The following SLC25A13 variants were observed in gnomAD, a reference collection of about 807,000 sequenced individuals.
SLC25A13 encodes the protein solute carrier family 25 member 13.
In SLC25A13, 70 loss-of-function variants were observed where a neutral mutation model predicts 85.5. That is an observed-to-expected ratio of 0.82 (90% CI 0.68 to 1.00). The LOEUF (loss-of-function observed/expected upper bound fraction) is 1.00. Ranked by LOEUF, SLC25A13 falls within the 50% of genes least tolerant of loss-of-function variation. SLC25A13 has a pLI of 0.00. For missense variants in SLC25A13, 765 were observed against 819.8 expected, an observed-to-expected ratio of 0.93 and a Z score of 0.82; for synonymous variants, 259 against 288.7, an observed-to-expected ratio of 0.90 and a Z score of 1.04.
At chr7:96,217,769 G>A (rs922496535) in intron 4 of SLC25A13, among the ~76,000 whole-genome samples, 4 of 152,070 alleles carry the variant, frequency 2.6e-5, no homozygotes, top group Non-Finnish European at 4.4e-5. Flanking sequence ...TGTGGTACGA[G>A]GTTTCTTGTT....
intron 3 of SLC25A13, among the ~76,000 whole-genome samples, chr7:96,237,902 A>G (rs934045055): frequency 2.6e-5 from 4 of 152,190 alleles, no homozygotes; most frequent in African/African-American, 9.7e-5. Flanking sequence ...GGAGAATGTA[A>G]CCAACTGTGA....
intron 16 of SLC25A13, 42 bp from the exon 17 acceptor site, chr7:96,121,787 TA>T: frequency 6.2e-7 from 1 of 1,613,920 alleles, no homozygotes; most frequent in Admixed American, 1.7e-5. Context: ...TTAGATATTT[TA>T]AAAATTTACC....
intron 11 of SLC25A13, among the ~76,000 whole-genome samples, chr7:96,175,141 C>T (rs1794170201): frequency 6.6e-6 from 1 of 152,122 alleles, no homozygotes; most frequent in African/African-American, 2.4e-5. Flanking sequence ...CTTCTGCCTG[C>T]AGGAGGGGAA....
chr7:96,278,148 T>TA (rs1562898106), intron 2 of SLC25A13, among the ~76,000 whole-genome samples: 2 of 152,172 alleles, frequency 1.3e-5, no homozygotes, highest in Non-Finnish European at 2.9e-5. Flanking sequence ...CATGGAGCCC[T>TA]AAGGGCAGAA....
intron 3 of SLC25A13, among the ~76,000 whole-genome samples, chr7:96,239,415 G>A (rs1030398761): frequency 2.0e-5 from 3 of 151,194 alleles, no homozygotes; most frequent in African/African-American, 4.9e-5. Context: ...CAGTGCTTCC[G>A]TCTTGCTTTA....
intron 2 of SLC25A13, among the ~76,000 whole-genome samples, chr7:96,286,360 C>T (rs542866856): frequency 2.7e-3 from 415 of 152,106 alleles, no homozygotes; most frequent in Non-Finnish European, 3.5e-3. Flanking sequence ...CTGACTACCA[C>T]CACCCAGGAT....
intron 2 of SLC25A13, among the ~76,000 whole-genome samples, chr7:96,295,619 C>G (rs1026367036): frequency 6.6e-6 from 1 of 152,172 alleles, no homozygotes; most frequent in African/African-American, 2.4e-5. Context: ...TTAATACCAA[C>G]TCCTTAATAT....
At chr7:96,134,025 GTT>G (rs947826296) in intron 14 of SLC25A13, among the ~76,000 whole-genome samples, 1 of 142,420 alleles carries the variant, frequency 7.0e-6, no homozygotes. Context: ...TTCATTTGTT[GTT>G]TTTTTTTTTT....
At chr7:96,285,772 A>G (rs1203909002) in intron 2 of SLC25A13, among the ~76,000 whole-genome samples, 3 of 152,056 alleles carry the variant, frequency 2.0e-5, no homozygotes, top group African/African-American at 7.2e-5. Flanking sequence ...CATCTTTTGC[A>G]CCTCCCACTC....
At chr7:96,123,212 T>C (rs1791587521) in intron 15 of SLC25A13, among the ~76,000 whole-genome samples, 1 of 152,184 alleles carries the variant, frequency 6.6e-6, no homozygotes, top group Middle Eastern at 3.2e-3. Flanking sequence ...GGATAAGTCA[T>C]ACTGAAATTC....
At chr7:96,280,628 T>C (rs1262676021) in intron 2 of SLC25A13, among the ~76,000 whole-genome samples, 1 of 152,110 alleles carries the variant, frequency 6.6e-6, no homozygotes, top group Non-Finnish European at 1.5e-5. Context: ...GGCAGGAGAA[T>C]CGCTTGAGCA....
chr7:96,226,014 T>C (rs1326847410), intron 4 of SLC25A13, among the ~76,000 whole-genome samples: 1 of 152,172 alleles, frequency 6.6e-6, no homozygotes, highest in East Asian at 1.9e-4. Flanking sequence ...ATAAAATCTT[T>C]TTTTTTTGGT....
intron 3 of SLC25A13, among the ~76,000 whole-genome samples, chr7:96,253,874 G>A (rs962987223): frequency 6.6e-6 from 1 of 152,102 alleles, no homozygotes; most frequent in African/African-American, 2.4e-5. Flanking sequence ...AACAGATATT[G>A]GAATAAACTG....
chr7:96,136,856 T>C (rs1308509385), intron 14 of SLC25A13, among the ~76,000 whole-genome samples: 1 of 152,100 alleles, frequency 6.6e-6, no homozygotes, highest in Non-Finnish European at 1.5e-5. Context: ...ACGGGGAAAA[T>C]GCCAGACTGG....
rs1462361448 is a variant in SLC25A13, at chr7:96,171,503, C to G, written c.1199G>C (p.Gly400Ala). 1 of 1,613,494 alleles carries G rather than the reference C, an allele frequency of 6.2e-7. No individual in the cohort carries two copies. The highest frequency in any genetic ancestry group is 8.5e-7 in the Non-Finnish European group (1 of 1,179,536). The change falls in exon 12 of 18, where the codon GGA becomes GCA. Residue 400 changes from glycine (G) to alanine (A), a missense_variant. Gly to Ala is a moderately conservative substitution (Grantham distance 60). Transcript: ENST00000265631. The stretch of plus-strand genomic sequence containing the variant: ...TTTTATGGCCTTCTCTGGGGCAACT[C>G]CCAATAACTGTGGCAACAGACCTAA... ...LYRGLLPQLL[G>A]VAPEKAIKLT...
At chr7:96,204,854 G>A (rs138148969) in intron 5 of SLC25A13, among the ~76,000 whole-genome samples, 3 of 152,250 alleles carry the variant, frequency 2.0e-5, no homozygotes, top group African/African-American at 4.8e-5. Context: ...TGGTTTGCCC[G>A]ACATGAGTAA....
chr7:96,319,256 A>T (rs932436013), intron 1 of SLC25A13, among the ~76,000 whole-genome samples: 2 of 152,196 alleles, frequency 1.3e-5, no homozygotes, highest in Non-Finnish European at 2.9e-5. Context: ...AGCATATAAA[A>T]GAAACTGCTC....
At chr7:96,285,665 T>C (rs74936086) in intron 2 of SLC25A13, among the ~76,000 whole-genome samples, 2,029 of 152,202 alleles carry the variant, frequency 0.013, 41 homozygotes, top group African/African-American at 0.047. Flanking sequence ...GCCCTTGGGG[T>C]ATGCCAACTT....
chr7:96,121,524 T>TTA, intron 17 of SLC25A13, 131 bp downstream of exon 17: 1 of 1,380,970 alleles, frequency 7.2e-7, no homozygotes, highest in Non-Finnish European at 1.0e-6. Context: ...AATGACCTTG[T>TTA]TAACACAATT....
Sources: allele counts gnomAD v4.1 joint callset (sites outside exome capture counted in the v4.1 genomes callset), GRCh38; gene constraint gnomAD v4.1.1; transcripts MANE v1.5; gene names NCBI Gene and HGNC (gene_info 2026-07-23, HGNC 2026-07-21).